HECTD4: variants seen among roughly 807,000 people sequenced by gnomAD.
The protein encoded by HECTD4 is HECT domain E3 ubiquitin protein ligase 4.
In HECTD4, 114 loss-of-function variants were observed where a neutral mutation model predicts 471.5. The observed-to-expected ratio is 0.24, with a 90% CI of 0.21 to 0.28. The LOEUF is 0.28. HECTD4 is among the 10% of genes least tolerant of loss of function. HECTD4 has a pLI of 1.00. For synonymous variants in HECTD4, 2,012 were observed against 2,256.0 expected, an observed-to-expected ratio of 0.89 and a Z score of 3.07; for missense variants, 3,866 against 5,651.5, an observed-to-expected ratio of 0.68 and a Z score of 10.13.
intron 45 of HECTD4, among the ~76,000 whole-genome samples, chr12:112,217,597 G>A (rs1032786090): frequency 2.6e-5 from 4 of 152,222 alleles, no homozygotes; most frequent in African/African-American, 4.8e-5. Context: ...CAAGCTATCT[G>A]TCTGTCTTGG....
At chr12:112,343,606 C>CA (rs1478362560) in intron 1 of HECTD4, among the ~76,000 whole-genome samples, 8 of 150,666 alleles carry the variant, frequency 5.3e-5, no homozygotes, top group Non-Finnish European at 7.4e-5. Context: ...CTCACCTCTA[C>CA]AAAAAAAAAT....
chr12:112,246,863 A>G (rs1593972586), intron 29 of HECTD4, 38 bp downstream of exon 29: 2 of 1,578,238 alleles, frequency 1.3e-6, no homozygotes, highest in East Asian at 2.2e-5. Context: ...CTCTGTTCAT[A>G]TAACAGAAGC....
At chr12:112,241,589 G>C (rs1459031917) in intron 32 of HECTD4, among the ~76,000 whole-genome samples, 1 of 152,148 alleles carries the variant, frequency 6.6e-6, no homozygotes, top group Non-Finnish European at 1.5e-5. Context: ...AGCTTCTCCA[G>C]TAGCTGGGAC....
chr12:112,168,045 G>T, intron 70 of HECTD4, 128 bp from the exon 71 acceptor site: 1 of 760,608 alleles, frequency 1.3e-6, no homozygotes, highest in South Asian at 1.5e-5. Context: ...TGGCGGGGTA[G>T]AAAGAAGCCA....
chr12:112,324,023 TTC>T (rs2035668154), intron 1 of HECTD4, among the ~76,000 whole-genome samples: 1 of 50,832 alleles, frequency 2.0e-5, no homozygotes. Flanking sequence ...CCTTCCTTCC[TTC>T]CTTCCTTCCT....
At chr12:112,245,671 G>A (rs1408557953) in intron 29 of HECTD4, among the ~76,000 whole-genome samples, 3 of 152,236 alleles carry the variant, frequency 2.0e-5, no homozygotes, top group African/African-American at 7.2e-5. Flanking sequence ...TGCCCACTGG[G>A]CAATGGGGCT....
chr12:112,300,743 G>A (rs1250896245), intron 7 of HECTD4, among the ~76,000 whole-genome samples: 1 of 151,920 alleles, frequency 6.6e-6, no homozygotes, highest in Non-Finnish European at 1.5e-5. Context: ...GACTACAGGA[G>A]TGTGCCATCA....
chr12:112,163,339 C>T lies in HECTD4; in HGVS notation c.12898-75G>A. ...AGTGCCTCCCCAGCCCTGGGGTCTGCAGGCCAGGCCCAATCCTGGGGCAGG... is the reference window on the plus strand; with the variant it reads ...AGTGCCTCCCCAGCCCTGGGGTCTGTAGGCCAGGCCCAATCCTGGGGCAGG... On this transcript the variant is annotated intron_variant, in intron 74 of 75. Transcript: ENST00000682272. This position sits in a 1 kb window ranked among gnomAD's most constrained non-coding sequence, Gnocchi z 8.2. 7.4e-7 allele frequency: 1 copy of T among 1,357,052 alleles called. No homozygotes were observed. Among genetic ancestry groups the T allele is most frequent in the Non-Finnish European group, 1.0e-6 (1 of 988,182 alleles). The allele number at this position is 1,357,052 out of a possible 1,614,324, so 84.1% of individuals were successfully genotyped here.
At chr12:112,211,427 G>A (rs1593934356) in intron 49 of HECTD4, among the ~76,000 whole-genome samples, 2 of 151,752 alleles carry the variant, frequency 1.3e-5, no homozygotes, top group South Asian at 4.2e-4. Context: ...CATGACACGA[G>A]AAGCCACTAA....
chr12:112,263,702 G>A (rs1470114035), intron 17 of HECTD4, among the ~76,000 whole-genome samples: 1 of 135,732 alleles, frequency 7.4e-6, no homozygotes, highest in African/African-American at 2.9e-5. Flanking sequence ...ATGCTCCCAA[G>A]ATTTTTATAT....
At chr12:112,277,493 C>T (rs2034550880) in intron 9 of HECTD4, among the ~76,000 whole-genome samples, 1 of 152,226 alleles carries the variant, frequency 6.6e-6, no homozygotes, top group Non-Finnish European at 1.5e-5. Context: ...ACTTGGACCA[C>T]ATCACTTCAC....
In HECTD4 at chr12:112,169,616, G is replaced by A. The variant is rs2031131025; in HGVS notation, c.12095C>T (p.Ala4032Val). The change falls in exon 70 of 76, where the codon GCC becomes GTC. Residue 4032 changes from alanine (A) to valine (V), a missense_variant. Ala to Val is a moderately conservative substitution (Grantham distance 64). Around this residue, in one of 16 missense-constraint regions of HECTD4, gnomAD observed 715 missense variants for 1,087.6 expected, o/e 0.66. Transcript: ENST00000682272. ...ASENSYFCQA[A>V]RQLASVPSSQ... ...CGACGGCACTGAGGCCAGCTGCCTG[G>A]CAGCCTGACAGAAGTAGGAGTTTTC... The A allele has an allele frequency of 1.2e-6, 2 of 1,613,536 alleles. No individual in the cohort carries two copies. The highest frequency in any genetic ancestry group is 2.7e-5 in the African/African-American group (2 of 75,070).
chr12:112,343,151 T>C (rs938165294), intron 1 of HECTD4, among the ~76,000 whole-genome samples: 1 of 152,234 alleles, frequency 6.6e-6, no homozygotes. Flanking sequence ...GGAAATCTGC[T>C]GTACCAAATA....
rs1241549616 is a variant in HECTD4, at chr12:112,179,162, A to ATG, written c.11211+11_11211+12insCA. Reference sequence around the variant, plus strand: ...AAGGCCCGGCCTGGGTATGGTGGGGACGGGCAGCTACCTGGGTGAGCTGAT... The same window carrying ATG: ...AAGGCCCGGCCTGGGTATGGTGGGGATGCGGGCAGCTACCTGGGTGAGCTGAT... On this transcript the variant is annotated intron_variant, in intron 63 of 75. Transcript: ENST00000682272. The surrounding 1 kb of genome is among the most constrained non-coding windows in gnomAD (Gnocchi z 4.3). 1 of 1,613,338 alleles carries ATG rather than the reference A, an allele frequency of 6.2e-7. No homozygotes were observed. The highest frequency in any genetic ancestry group is 1.7e-5 in the Admixed American group (1 of 59,924).
At chr12:112,293,307 G>C (rs1448224031) in intron 7 of HECTD4, among the ~76,000 whole-genome samples, 1 of 150,868 alleles carries the variant, frequency 6.6e-6, no homozygotes, top group African/African-American at 2.4e-5. Context: ...GGAGGTTGCG[G>C]TGAGCCGAGA....
intron 10 of HECTD4, 146 bp from the exon 11 acceptor site, chr12:112,273,941 A>G: frequency 1.1e-6 from 1 of 890,864 alleles, no homozygotes; most frequent in Non-Finnish European, 1.6e-6. Flanking sequence ...TTTATTTGGT[A>G]AGGCACTAGG....
chr12:112,334,577 G>C (rs916349607), intron 1 of HECTD4, among the ~76,000 whole-genome samples: 14 of 148,006 alleles, frequency 9.5e-5, no homozygotes, highest in Middle Eastern at 3.5e-3. Flanking sequence ...GGCAGATCAC[G>C]AGGTCAGGAG....
Position 112,228,940 on chromosome 12 carries a change from G to C in HECTD4, c.6520-129C>G, listed in dbSNP as rs2033308387. On this transcript the variant is annotated intron_variant, in intron 41 of 75. Transcript: ENST00000682272. The surrounding 1 kb of genome is among the most constrained non-coding windows in gnomAD (Gnocchi z 4.9). ...TTACAGTAATAGTTTATACTACTAG[G>C]GTAGCAGATACCAAGCCCTAGACAT... 1.2e-6 allele frequency: 1 copy of C among 867,926 alleles called. No individual in the cohort carries two copies. The highest frequency in any genetic ancestry group is 1.6e-5 in the South Asian group (1 of 64,266). The allele number at this position is 867,926 out of a possible 1,614,324, so 53.8% of individuals were successfully genotyped here.
chr12:112,174,784 A>G (rs979979686), intron 66 of HECTD4, among the ~76,000 whole-genome samples: 1 of 150,992 alleles, frequency 6.6e-6, no homozygotes, highest in Non-Finnish European at 1.5e-5. Flanking sequence ...GGCTGGTCTC[A>G]AGCTCCTGAC....
Sources: allele counts gnomAD v4.1 joint callset (sites outside exome capture counted in the v4.1 genomes callset), GRCh38; gene constraint gnomAD v4.1.1; regional missense constraint gnomAD v4.1.1; non-coding constraint Gnocchi (gnomAD v3.1); transcripts MANE v1.5; gene names NCBI Gene and HGNC (gene_info 2026-07-23, HGNC 2026-07-21).